FSTL5: variants seen among roughly 807,000 people sequenced by gnomAD.
FSTL5 encodes follistatin-related protein 5.
A neutral mutation model predicts 89.1 loss-of-function variants in FSTL5; 62 were observed. The observed-to-expected ratio is 0.70, with a 90% CI of 0.57 to 0.86. The LOEUF (loss-of-function observed/expected upper bound fraction) is 0.86, where lower values mean the gene tolerates loss of function less well. Ranked by LOEUF, FSTL5 falls within the 40% of genes least tolerant of loss-of-function variation. The pLI is 0.00. For synonymous variants in FSTL5, 383 were observed against 346.2 expected (o/e 1.11, Z -1.18); for missense variants, 1,057 against 1,001.6 (o/e 1.06, Z -0.75).
chr4:161,629,846 A>C (rs925956766), intron 7 of FSTL5, among the ~76,000 whole-genome samples: 4 of 152,206 alleles, frequency 2.6e-5, no homozygotes, highest in Non-Finnish European at 5.9e-5. Flanking sequence ...TTTACCTGGC[A>C]GGTCTCAGAG....
chr4:161,986,599 T>C (rs1433536769), intron 3 of FSTL5, among the ~76,000 whole-genome samples: 1 of 152,172 alleles, frequency 6.6e-6, no homozygotes, highest in Non-Finnish European at 1.5e-5. Flanking sequence ...ATTAAATGCA[T>C]TTTGAAAGAG....
At chr4:162,139,677 C>T (rs1224441132) in intron 1 of FSTL5, among the ~76,000 whole-genome samples, 2 of 152,068 alleles carry the variant, frequency 1.3e-5, no homozygotes, top group East Asian at 3.9e-4. Context: ...ATCTAGTCTT[C>T]ATCTATTAAC....
intron 1 of FSTL5, among the ~76,000 whole-genome samples, chr4:162,128,430 C>G (rs752986951): frequency 6.3e-4 from 96 of 152,172 alleles, no homozygotes; most frequent in African/African-American, 1.8e-3. Flanking sequence ...GGAACAGTAC[C>G]CTTATGAAAA....
intron 11 of FSTL5, among the ~76,000 whole-genome samples, chr4:161,505,965 C>A (rs1024634310): frequency 6.6e-6 from 1 of 152,108 alleles, no homozygotes. Flanking sequence ...GTCTTCCCCT[C>A]CCCCCAATGC....
chr4:161,785,824 T>C (rs1026366035), intron 4 of FSTL5, among the ~76,000 whole-genome samples: 1 of 152,134 alleles, frequency 6.6e-6, no homozygotes, highest in African/African-American at 2.4e-5. Context: ...TAAAAGTCCA[T>C]GTTTATGAAC....
chr4:161,684,306 T>C (rs961479009), intron 6 of FSTL5, among the ~76,000 whole-genome samples: 10 of 152,230 alleles, frequency 6.6e-5, no homozygotes, highest in African/African-American at 2.2e-4. Context: ...GTGGGATTGC[T>C]GGATCAAATG....
intron 4 of FSTL5, among the ~76,000 whole-genome samples, chr4:161,781,038 A>C (rs1741647140): frequency 6.6e-6 from 1 of 152,150 alleles, no homozygotes; most frequent in African/African-American, 2.4e-5. Flanking sequence ...TAGAAACTCA[A>C]AGAATAAAAA....
At chr4:161,816,938 C>G (rs1730342303) in intron 4 of FSTL5, among the ~76,000 whole-genome samples, 1 of 151,974 alleles carries the variant, frequency 6.6e-6, no homozygotes, top group Non-Finnish European at 1.5e-5. Context: ...CTTTTCTTCC[C>G]CTCAGAGGGC....
intron 3 of FSTL5, among the ~76,000 whole-genome samples, chr4:161,979,485 T>C (rs549927869): frequency 8.5e-5 from 13 of 152,230 alleles, no homozygotes; most frequent in African/African-American, 2.9e-4. Context: ...TACCATTTAT[T>C]AGCTTGTCTT....
chr4:161,853,785 T>C (rs1274922483), intron 4 of FSTL5, among the ~76,000 whole-genome samples: 1 of 152,126 alleles, frequency 6.6e-6, no homozygotes, highest in Non-Finnish European at 1.5e-5. Context: ...CAGATGTCCT[T>C]ATTCATTAAA....
At chr4:161,681,628 A>G (rs1737523972) in intron 6 of FSTL5, among the ~76,000 whole-genome samples, 1 of 152,092 alleles carries the variant, frequency 6.6e-6, no homozygotes, top group Non-Finnish European at 1.5e-5. Flanking sequence ...AACATATTGT[A>G]AGGAATATAT....
At chr4:161,719,884 C>T (rs1005196747) in intron 6 of FSTL5, among the ~76,000 whole-genome samples, 10 of 151,960 alleles carry the variant, frequency 6.6e-5, no homozygotes, top group Admixed American at 4.6e-4. Context: ...TTATCTTACA[C>T]GATACACAAA....
chr4:161,431,147 CAT>C (rs1364513627), intron 15 of FSTL5, among the ~76,000 whole-genome samples: 2 of 152,096 alleles, frequency 1.3e-5, no homozygotes, highest in Admixed American at 1.3e-4. Context: ...CACAGAAAAA[CAT>C]AAAATTTGGT....
At chr4:162,009,591 AC>A (rs1341777826) in intron 3 of FSTL5, among the ~76,000 whole-genome samples, 1 of 152,102 alleles carries the variant, frequency 6.6e-6, no homozygotes, top group African/African-American at 2.4e-5. Flanking sequence ...TTACCAGTGG[AC>A]AATATAAGAG....
At chr4:162,151,596 G>C (rs1392852801) in intron 1 of FSTL5, among the ~76,000 whole-genome samples, 1 of 152,076 alleles carries the variant, frequency 6.6e-6, no homozygotes, top group Non-Finnish European at 1.5e-5. Context: ...TTGGCATCTT[G>C]TCACATTCTA....
chr4:162,037,011 T>C (rs1018660597), intron 2 of FSTL5, among the ~76,000 whole-genome samples: 1 of 151,884 alleles, frequency 6.6e-6, no homozygotes, highest in African/African-American at 2.4e-5. Context: ...ATTATGTTTG[T>C]TGTTTATTGG....
At chr4:161,462,763 A>G (rs1362777330) in intron 13 of FSTL5, among the ~76,000 whole-genome samples, 1 of 152,144 alleles carries the variant, frequency 6.6e-6, no homozygotes, top group East Asian at 1.9e-4. Context: ...TGTTTTAGTG[A>G]CTGTTAGCAT....
intron 2 of FSTL5, among the ~76,000 whole-genome samples, chr4:162,102,986 A>C (rs1388813804): frequency 6.6e-6 from 1 of 152,000 alleles, no homozygotes; most frequent in Non-Finnish European, 1.5e-5. Flanking sequence ...TTAAAGCTTT[A>C]AGCAAAATAT....
intron 12 of FSTL5, among the ~76,000 whole-genome samples, chr4:161,492,380 C>T (rs73861553): frequency 0.026 from 3,978 of 152,052 alleles, 173 homozygotes; most frequent in African/African-American, 0.089. Flanking sequence ...AGAGGTATAC[C>T]ATGAAATGTT....
Sources: allele counts gnomAD v4.1 joint callset (sites outside exome capture counted in the v4.1 genomes callset), GRCh38; gene constraint gnomAD v4.1.1; transcripts MANE v1.5; gene names NCBI Gene and HGNC (gene_info 2026-07-23, HGNC 2026-07-21).